Variants in LCK observed in about 807,000 individuals in gnomAD.
LCK encodes tyrosine-protein kinase Lck.
A neutral mutation model predicts 64.6 loss-of-function variants in LCK; 14 were observed. The ratio of observed to expected loss-of-function variants is 0.22; its 90% CI spans 0.14 to 0.34. The LOEUF is 0.34. LCK is among the 10% of genes least tolerant of loss of function. The pLI is 1.00. For synonymous variants in LCK, 277 were observed against 263.6 expected, an observed-to-expected ratio of 1.05 and a Z score of -0.49; for missense variants, 434 against 668.1, an observed-to-expected ratio of 0.65 and a Z score of 3.86.
At chr1:32,271,218 G>T (rs1178476165) in intron 1 of LCK, among the ~76,000 whole-genome samples, 2 of 151,550 alleles carry the variant, frequency 1.3e-5, no homozygotes, top group African/African-American at 4.9e-5. Context: ...GCCCAGGCTA[G>T]TCTGGAACTT....
At chr1:32,277,016 C>T (rs1219179837) in intron 9 of LCK, 6 of 346,042 alleles carry the variant, frequency 1.7e-5, no homozygotes, top group African/African-American at 1.1e-4. Context: ...TCGAGACCAG[C>T]CTGACCAATA....
rs148030501 is a variant in LCK, at chr1:32,253,286, C to T, written c.-6+1915C>T. 3.7e-3 allele frequency among the ~76,000 whole-genome samples: 560 copies of T among 152,172 alleles called. 2 individuals carry two copies. The highest frequency in any genetic ancestry group is 0.013 in the African/African-American group (531 of 41,492). ...GGGCTGAGGCAGAATTGCTTGAACC[C>T]GGGATGCACAGGTTGTAATGAGCAG... On this transcript the variant is annotated intron_variant, in intron 1 of 12. Transcript: ENST00000336890.
intron 12 of LCK, among the ~76,000 whole-genome samples, chr1:32,283,437 G>C (rs1299873373): frequency 3.3e-5 from 5 of 152,198 alleles, no homozygotes; most frequent in Admixed American, 3.3e-4. Context: ...ACCCTATAAG[G>C]TTTTGGTCTT....
intron 9 of LCK, among the ~76,000 whole-genome samples, chr1:32,278,647 GT>G (rs1224116882): frequency 2.0e-5 from 3 of 152,276 alleles, no homozygotes; most frequent in African/African-American, 7.2e-5. Context: ...CCTATCATGT[GT>G]ATCGACTTTG....
At chr1:32,259,134 A>G (rs1639700478) in intron 1 of LCK, among the ~76,000 whole-genome samples, 2 of 151,822 alleles carry the variant, frequency 1.3e-5, no homozygotes, top group South Asian at 2.1e-4. Flanking sequence ...ACGGTAGCCC[A>G]TGCCTGTAAT....
At chr1:32,281,914 A>AT (rs1640472878) in intron 12 of LCK, among the ~76,000 whole-genome samples, 1 of 151,650 alleles carries the variant, frequency 6.6e-6, no homozygotes, top group South Asian at 2.1e-4. Flanking sequence ...AAAAATATAT[A>AT]TAAAAATTAT....
chr1:32,269,441 T>C (rs2124337353), intron 1 of LCK: 1 of 151,814 alleles, frequency 6.6e-6, no homozygotes, highest in Non-Finnish European at 1.5e-5. Flanking sequence ...CTGTCTGTTT[T>C]TTTTTCTTTT....
intron 9 of LCK, among the ~76,000 whole-genome samples, chr1:32,278,248 G>T (rs1257589431): frequency 1.3e-5 from 2 of 152,118 alleles, no homozygotes; most frequent in Non-Finnish European, 2.9e-5. Context: ...CTGTTATCTG[G>T]CTCTGATTCT....
chr1:32,284,660 A>G (rs975785796), intron 12 of LCK, among the ~76,000 whole-genome samples: 6 of 152,152 alleles, frequency 3.9e-5, no homozygotes, highest in African/African-American at 1.4e-4. Flanking sequence ...ATGAGCCACC[A>G]TGCCTGGCCT....
At chr1:32,263,699 C>A (rs1366243242) in intron 1 of LCK, among the ~76,000 whole-genome samples, 1 of 151,936 alleles carries the variant, frequency 6.6e-6, no homozygotes, top group Non-Finnish European at 1.5e-5. Flanking sequence ...TTACTTGAGC[C>A]CAGGAGTTCA....
intron 12 of LCK, among the ~76,000 whole-genome samples, chr1:32,283,630 G>T (rs1278307562): frequency 6.6e-6 from 1 of 152,164 alleles, no homozygotes; most frequent in Non-Finnish European, 1.5e-5. Context: ...CCAGCATAAA[G>T]GGAGGGAACC....
chr1:32,269,945 A>G lies in LCK; in HGVS notation c.-5-4380A>G, dbSNP rs532141180. Among the ~76,000 whole-genome samples the G allele has an allele frequency of 5.3e-5, 8 of 152,304 alleles. No individual in the cohort carries two copies. In the South Asian group the frequency reaches 1.7e-3, roughly 32 times the overall value. ...CCCATTTGACAGAAGAGGAAAAGTG[A>G]GGCTTAGGAGGAATGATTTCAGCAA... is the stretch of plus-strand genomic sequence containing the variant. On this transcript the variant is annotated intron_variant, in intron 1 of 12. Transcript: ENST00000336890.
rs1179403000 is a variant in LCK, at chr1:32,251,976, G to A, written c.-6+605G>A. On this transcript the variant is annotated intron_variant, in intron 1 of 12. Coordinates refer to ENST00000336890, the MANE Select transcript of LCK (RefSeq NM_005356.5). The surrounding 1 kb of genome is among the most constrained non-coding windows in gnomAD (Gnocchi z 4.0). Reference sequence around the variant, plus strand: ...AGGCATCCAGATGGACATGCGAGGAGTGATTTTAGCCTCAGCGATCGAGGG... The same window carrying A: ...AGGCATCCAGATGGACATGCGAGGAATGATTTTAGCCTCAGCGATCGAGGG... 6.6e-6 allele frequency among the ~76,000 whole-genome samples: 1 copy of A among 152,030 alleles called. No homozygotes were observed. The highest frequency in any genetic ancestry group is 6.6e-5 in the Admixed American group (1 of 15,256).
intron 12 of LCK, among the ~76,000 whole-genome samples, chr1:32,280,975 C>T (rs990779515): frequency 2.6e-5 from 4 of 152,168 alleles, no homozygotes; most frequent in Non-Finnish European, 5.9e-5. Flanking sequence ...GGTACAGTGG[C>T]TTATGCCTAT....
intron 1 of LCK, among the ~76,000 whole-genome samples, chr1:32,264,019 C>T (rs1639851209): frequency 6.6e-6 from 1 of 152,124 alleles, no homozygotes; most frequent in Non-Finnish European, 1.5e-5. Flanking sequence ...ACGGTCGCTG[C>T]TATTCATAGT....
chr1:32,257,618 G>A (rs1639661632), intron 1 of LCK, among the ~76,000 whole-genome samples: 2 of 152,054 alleles, frequency 1.3e-5, no homozygotes, highest in South Asian at 4.2e-4. Context: ...GCATGGACAT[G>A]GTGAACTGAG....
At position 32,251,433 on chromosome 1, in the gene LCK, G is replaced by T. The variant is rs540622614; in HGVS notation, c.-6+62G>T. 5.2e-5 allele frequency: 8 copies of T among 153,724 alleles called. No homozygotes were observed. The South Asian group carries it at 1.6e-3, about 31-fold the overall frequency. 9.5% of individuals were successfully genotyped at this position (153,724 alleles called of 1,614,324 possible). ...GTGAGAGGCCTGATAGCAGACGGCTGCAGCTGTGCGGGCCCAGGCTCCCTA... is the reference window on the plus strand; with the variant it reads ...GTGAGAGGCCTGATAGCAGACGGCTTCAGCTGTGCGGGCCCAGGCTCCCTA... On this transcript the variant is annotated intron_variant, in intron 1 of 12. Transcript: ENST00000336890. This position sits in a 1 kb window ranked among gnomAD's most constrained non-coding sequence, Gnocchi z 4.0.
chr1:32,270,401 G>A (rs1208144634), intron 1 of LCK, among the ~76,000 whole-genome samples: 1 of 151,528 alleles, frequency 6.6e-6, no homozygotes, highest in Non-Finnish European at 1.5e-5. Context: ...ACCGTGCCCA[G>A]CCTGCTCTTT....
chr1:32,262,406 C>T (rs974525175), intron 1 of LCK, among the ~76,000 whole-genome samples: 3 of 148,156 alleles, frequency 2.0e-5, no homozygotes, highest in African/African-American at 7.4e-5. Flanking sequence ...GAGGCTGTGG[C>T]AGGAGAATCT....
Sources: gnomAD v4.1 joint callset for allele counts (sites outside exome capture counted in the v4.1 genomes callset) on GRCh38, gnomAD v4.1.1 for gene constraint, Gnocchi (gnomAD v3.1) non-coding constraint, MANE v1.5 for transcripts, NCBI Gene and HGNC (gene_info 2026-07-23, HGNC 2026-07-21) for gene names.